Variants in KDM2B observed in about 807,000 individuals in gnomAD.
KDM2B encodes the protein lysine-specific demethylase 2B.
KDM2B carries 26 observed loss-of-function variants against 150.0 expected under a neutral mutation model. The observed-to-expected ratio is 0.17, with a 90% CI of 0.13 to 0.24. KDM2B has a LOEUF of 0.24. KDM2B is among the 10% of genes least tolerant of loss of function. The probability of loss-of-function intolerance (pLI) is 1.00; values close to 1 mark genes in which losing one functional copy is unlikely to be tolerated. For missense variants in KDM2B, 1,265 were observed against 1,816.9 expected (o/e 0.70, Z 5.52); for synonymous variants, 734 against 729.5 (o/e 1.01, Z -0.10).
At chr12:121,545,338 A>T (rs1430365061) in intron 6 of KDM2B, among the ~76,000 whole-genome samples, 1 of 152,162 alleles carries the variant, frequency 6.6e-6, no homozygotes, top group African/African-American at 2.4e-5. Context: ...ACCCCAAGAC[A>T]AATGGTCCTA....
chr12:121,455,262 T>G (rs959560896), intron 12 of KDM2B, among the ~76,000 whole-genome samples: 4 of 152,108 alleles, frequency 2.6e-5, no homozygotes, highest in Admixed American at 2.0e-4. Context: ...CTCCCACTGG[T>G]CTTCCCCAGC....
chr12:121,425,292 G>A (rs186969806), downstream of KDM2B, among the ~76,000 whole-genome samples: 1,178 of 144,442 alleles, frequency 8.2e-3, 18 homozygotes, highest in African/African-American at 0.031. Flanking sequence ...TGGGCGACGA[G>A]CGAAACTCCG....
intron 6 of KDM2B, among the ~76,000 whole-genome samples, chr12:121,545,599 T>C (rs993028030): frequency 2.6e-5 from 4 of 152,164 alleles, no homozygotes; most frequent in Non-Finnish European, 4.4e-5. Flanking sequence ...CCTAAATCTA[T>C]GTCCAGCTGG....
chr12:121,439,945 G>A lies in KDM2B; in HGVS notation c.3741C>T (p.Tyr1247=). 1 of 1,614,236 alleles carries A rather than the reference G, an allele frequency of 6.2e-7. No individual in the cohort carries two copies. Among genetic ancestry groups the A allele is most frequent in the Non-Finnish European group, 8.5e-7 (1 of 1,180,028 alleles). Residue 1247 remains tyrosine (Y), a synonymous_variant, in exon 22 of 23, where the codon TAC becomes TAT. Coordinates refer to ENST00000377071, the MANE Select transcript of KDM2B (RefSeq NM_032590.5). ...MPLLSKLHLS[Y]CNHVTDQSIN... ...TAGACTGGTCGGTGACGTGGTTACA[G>A]TAACTGAGGTGGAGCTTGGAGAGCA...
intron 4 of KDM2B, among the ~76,000 whole-genome samples, chr12:121,550,482 G>A (rs1183186621): frequency 1.3e-5 from 2 of 152,142 alleles, no homozygotes; most frequent in Non-Finnish European, 1.5e-5. Flanking sequence ...GCCTATCATT[G>A]TGTGACCCAG....
Position 121,521,176 on chromosome 12 carries a change from G to A in KDM2B, c.932-76C>T. The A allele has an allele frequency of 9.7e-7, 1 of 1,035,518 alleles. No individual in the cohort carries two copies. The highest frequency in any genetic ancestry group is 1.5e-6 in the Non-Finnish European group (1 of 667,934). 64.1% of individuals were successfully genotyped at this position (1,035,518 alleles called of 1,614,324 possible). On this transcript the variant is annotated intron_variant, in intron 8 of 22. Coordinates refer to ENST00000377071, the MANE Select transcript of KDM2B (RefSeq NM_032590.5). The surrounding 1 kb of genome is among the most constrained non-coding windows in gnomAD (Gnocchi z 4.9). ...CCACACCTCACAAGGCTGCAGGGAG[G>A]GAGAGCGAGCGTGCAGGAGGGTGCA... is the stretch of plus-strand genomic sequence containing the variant.
At chr12:121,421,371 TAA>T in the KDM2B span, among the ~76,000 whole-genome samples, 555 of 46,338 alleles carry the variant, frequency 0.012, 4 homozygotes, top group African/African-American at 0.035. Context: ...ATCCCATCTC[TAA>T]AAAAAAAAAA....
intron 12 of KDM2B, among the ~76,000 whole-genome samples, chr12:121,478,610 C>T (rs1238151283): frequency 3.3e-5 from 5 of 151,530 alleles, no homozygotes; most frequent in South Asian, 2.1e-4. Flanking sequence ...CCACCCGCCT[C>T]GGCCTCCCAA....
At chr12:121,473,980 A>T (rs58927387) in intron 12 of KDM2B, among the ~76,000 whole-genome samples, 1 of 152,170 alleles carries the variant, frequency 6.6e-6, no homozygotes, top group Non-Finnish European at 1.5e-5. Context: ...AACCAGACAC[A>T]AAAGTCCACA....
In KDM2B at chr12:121,442,205, T is replaced by G; in HGVS notation, c.3236A>C (p.His1079Pro). ...VWMAVFSYLS[H>P]QDLCVCMRVC... ...CCGCATGCACACACACAGGTCTTGG[T>G]GGCTGAGGTAGCTGAAGACGGCCAT... is the stretch of plus-strand genomic sequence containing the variant. The change falls in exon 19 of 23, where the codon CAC becomes CCC. Residue 1079 changes from histidine to proline, a missense_variant. By Grantham distance (77) the His-to-Pro change is moderately conservative (BLOSUM62 -2). Transcript: ENST00000377071. This position sits in a 1 kb window ranked among gnomAD's most constrained non-coding sequence, Gnocchi z 7.7. 6.2e-7 allele frequency: 1 copy of G among 1,613,420 alleles called. No individual in the cohort carries two copies. Among genetic ancestry groups the G allele is most frequent in the South Asian group, 1.1e-5 (1 of 91,076 alleles).
chr12:121,555,833 T>C (rs1354352363), intron 4 of KDM2B, among the ~76,000 whole-genome samples: 1 of 152,190 alleles, frequency 6.6e-6, no homozygotes, highest in Non-Finnish European at 1.5e-5. Context: ...GGTGGATCCT[T>C]CACGAATGCC....
In KDM2B at chr12:121,520,819, G is replaced by A. The variant is rs1555305730; in HGVS notation, c.1047+166C>T. On this transcript the variant is annotated intron_variant, in intron 9 of 22. Transcript: ENST00000377071. The surrounding 1 kb of genome is among the most constrained non-coding windows in gnomAD (Gnocchi z 4.5). ...GTGTGGCTCCTACAGGCATTCCCCT[G>A]CCCCCCCTCCCCCGCCACAGAACCA... Among the ~76,000 whole-genome samples, 1 of 150,314 alleles carries A rather than the reference G, an allele frequency of 6.7e-6. No individual in the cohort carries two copies. Among genetic ancestry groups the A allele is most frequent in the Non-Finnish European group, 1.5e-5 (1 of 67,294 alleles).
chr12:121,432,093 GC>G (rs1555285689), intron 22 of KDM2B, among the ~76,000 whole-genome samples: 1 of 151,764 alleles, frequency 6.6e-6, no homozygotes, highest in East Asian at 1.9e-4. Context: ...TGTTAGCCAG[GC>G]TGGTCTTGAA....
chr12:121,448,097 T>C (rs934205963), intron 13 of KDM2B, among the ~76,000 whole-genome samples: 3 of 151,984 alleles, frequency 2.0e-5, no homozygotes, highest in Non-Finnish European at 4.4e-5. Flanking sequence ...GGCAGGCGGA[T>C]TGCCTGAGCC....
intron 8 of KDM2B, among the ~76,000 whole-genome samples, chr12:121,529,695 C>T (rs1165847336): frequency 3.3e-5 from 5 of 151,764 alleles, no homozygotes; most frequent in African/African-American, 1.2e-4. Flanking sequence ...TTTGGGAGGC[C>T]GAGGCGGGTG....
intron 22 of KDM2B, among the ~76,000 whole-genome samples, chr12:121,439,541 C>T (rs1451312218): frequency 2.0e-5 from 3 of 151,718 alleles, no homozygotes; most frequent in South Asian, 2.1e-4. Flanking sequence ...CACCAACCCC[C>T]GGCTAATTTT....
intron 12 of KDM2B, among the ~76,000 whole-genome samples, chr12:121,464,767 G>A (rs1197521301): frequency 1.3e-5 from 2 of 152,220 alleles, no homozygotes; most frequent in Non-Finnish European, 2.9e-5. Context: ...CTCCTTTGGT[G>A]CCAAACCCAT....
At chr12:121,488,751 A>T (rs574285561) in intron 12 of KDM2B, among the ~76,000 whole-genome samples, 2 of 151,752 alleles carry the variant, frequency 1.3e-5, no homozygotes, top group Non-Finnish European at 2.9e-5. Flanking sequence ...CCTTCCGAGT[A>T]GCTGGGATTA....
In KDM2B at chr12:121,444,480, C is replaced by T. The variant is rs782080218; in HGVS notation, c.2160G>A (p.Pro720=). Reference sequence around the variant, plus strand: ...CGGTCTTGCCGGCGTGGTTACACTTCGGACACTCCCAGCAGTTTGGAAGCT... The same window carrying T: ...CGGTCTTGCCGGCGTGGTTACACTTTGGACACTCCCAGCAGTTTGGAAGCT... ...NDELPNCWEC[P]KCNHAGKTGK... The change falls in exon 15 of 23, where the codon CCG becomes CCA. Residue 720 remains proline (P), a synonymous_variant. Transcript: ENST00000377071. The T allele has an allele frequency of 2.0e-5, 32 of 1,614,172 alleles. No homozygotes were observed. Among genetic ancestry groups the T allele is most frequent in the South Asian group, 7.7e-5 (7 of 91,082 alleles).
Sources: allele counts gnomAD v4.1 joint callset (sites outside exome capture counted in the v4.1 genomes callset), GRCh38; gene constraint gnomAD v4.1.1; non-coding constraint Gnocchi (gnomAD v3.1); transcripts MANE v1.5; gene names NCBI Gene and HGNC (gene_info 2026-07-23, HGNC 2026-07-21).